The following FGF5 variants were observed in gnomAD, a reference collection of about 807,000 sequenced individuals.
The protein encoded by FGF5 is fibroblast growth factor 5.
A neutral mutation model predicts 21.8 loss-of-function variants in FGF5; 23 were observed. The observed-to-expected ratio is 1.05, with a 90% CI of 0.76 to 1.49. FGF5 has a LOEUF of 1.49. FGF5 is among the 40% of genes most tolerant of loss of function. The pLI, the probability that FGF5 is intolerant of heterozygous loss-of-function variation, is 0.00. For missense variants in FGF5, 352 were observed against 332.9 expected (o/e 1.06, Z -0.45); for synonymous variants, 158 against 124.0 (o/e 1.27, Z -1.82).
chr4:80,272,524 G>A (rs375426646), intron 1 of FGF5, among the ~76,000 whole-genome samples: 1 of 152,062 alleles, frequency 6.6e-6, no homozygotes, highest in South Asian at 2.1e-4. Flanking sequence ...CAAAGCAGTA[G>A]TATTTCTATT....
At chr4:80,267,830 G>T (rs1469799426) in intron 1 of FGF5, among the ~76,000 whole-genome samples, 1 of 152,082 alleles carries the variant, frequency 6.6e-6, no homozygotes, top group Non-Finnish European at 1.5e-5. Context: ...GAAGAAGATT[G>T]TGCTCTAGAA....
At chr4:80,282,083 C>G (rs1720568483) in intron 2 of FGF5, among the ~76,000 whole-genome samples, 1 of 152,086 alleles carries the variant, frequency 6.6e-6, no homozygotes, top group Non-Finnish European at 1.5e-5. Context: ...CTGCCTCAGT[C>G]TCCTGAGTAG....
At position 80,274,891 on chromosome 4, in the gene FGF5, G is replaced by T; in HGVS notation, c.356-18G>T. 2 of 1,102,798 alleles carry T rather than the reference G, an allele frequency of 1.8e-6. No individual in the cohort carries two copies. Among genetic ancestry groups the T allele is most frequent in the Non-Finnish European group, 2.8e-6 (2 of 726,264 alleles). The allele number at this position is 1,102,798 out of a possible 1,614,324, so 68.3% of individuals were successfully genotyped here. On this transcript the variant is annotated intron_variant, in intron 1 of 2. Coordinates refer to ENST00000312465, the MANE Select transcript of FGF5 (RefSeq NM_004464.4). ...AAATAAGAGCCTGTGTTTTATTTTG[G>T]GATTTCTGTCATCCTAGGTGTTTTG...
chr4:80,285,320 A>T (rs1720680782), intron 2 of FGF5, among the ~76,000 whole-genome samples: 1 of 152,142 alleles, frequency 6.6e-6, no homozygotes. Flanking sequence ...GGTCACGCTG[A>T]ACTACTTACA....
chr4:80,266,600 C>A, upstream of FGF5: 5 of 499,072 alleles, frequency 1.0e-5, no homozygotes, highest in South Asian at 1.1e-4. Context: ...GGAAGCTTCG[C>A]AGGCGTGCAC....
intron 2 of FGF5, among the ~76,000 whole-genome samples, chr4:80,285,780 C>T (rs142158770): frequency 1.3e-5 from 2 of 152,188 alleles, no homozygotes; most frequent in African/African-American, 2.4e-5. Context: ...AACTCTAACA[C>T]GTGCAATATT....
Position 80,290,513 on chromosome 4 carries a change from T to A in FGF5, c.*3841T>A, listed in dbSNP as rs1720870862. The A allele has an allele frequency of 6.6e-6, 1 of 152,092 alleles. No homozygotes were observed. The highest frequency in any genetic ancestry group is 2.4e-5 in the African/African-American group (1 of 41,428). The allele number at this position is 152,092 out of a possible 1,614,324, so 9.4% of individuals were successfully genotyped here. ...AACCTGAGTGGAGTCAGGTGAGGCATCTTTACATCTAAGAATTTTTTTTTA... is the reference window on the plus strand; with the variant it reads ...AACCTGAGTGGAGTCAGGTGAGGCAACTTTACATCTAAGAATTTTTTTTTA... On this transcript the variant is annotated 3_prime_UTR_variant, in exon 3 of 3. Coordinates refer to ENST00000312465, the MANE Select transcript of FGF5 (RefSeq NM_004464.4).
At chr4:80,268,773 C>A (rs931793526) in intron 1 of FGF5, among the ~76,000 whole-genome samples, 21 of 152,334 alleles carry the variant, frequency 1.4e-4, no homozygotes, top group African/African-American at 4.6e-4. Context: ...CCTCCGCACA[C>A]GCACCAGCGA....
rs555883630 is a variant in FGF5 at position 80,274,532 on chromosome 4, G to A, written c.356-377G>A. Among the ~76,000 whole-genome samples the A allele has an allele frequency of 3.9e-5, 6 of 152,126 alleles. No individual in the cohort carries two copies. The East Asian group carries it at 1.2e-3, about 29-fold the overall frequency. ...ACAGATTTGTGCTTTAATGTTCAAAGTAGTGTATTATCTTTGATGAAGAAA... is the reference window on the plus strand; with the variant it reads ...ACAGATTTGTGCTTTAATGTTCAAAATAGTGTATTATCTTTGATGAAGAAA... On this transcript the variant is annotated intron_variant, in intron 1 of 2. Coordinates refer to ENST00000312465, the MANE Select transcript of FGF5 (RefSeq NM_004464.4).
chr4:80,272,660 C>T (rs1720305259), intron 1 of FGF5, among the ~76,000 whole-genome samples: 1 of 152,024 alleles, frequency 6.6e-6, no homozygotes, highest in Admixed American at 6.5e-5. Flanking sequence ...AATATATCTG[C>T]ATGTTCAAAA....
intron 2 of FGF5, among the ~76,000 whole-genome samples, chr4:80,278,237 C>T (rs1720468289): frequency 6.6e-6 from 1 of 152,084 alleles, no homozygotes; most frequent in African/African-American, 2.4e-5. Flanking sequence ...TACTGTGGCA[C>T]ATCATTAGAA....
chr4:80,290,869 C>T lies in FGF5; in HGVS notation c.*4197C>T, dbSNP rs538065086. 17 of 152,258 alleles carry T rather than the reference C, an allele frequency of 1.1e-4. No homozygotes were observed. The East Asian group carries it at 3.1e-3, about 28-fold the overall frequency. The allele number at this position is 152,258 out of a possible 1,614,324, so 9.4% of individuals were successfully genotyped here. A position where few individuals can be genotyped will look rare whatever the true frequency, so the allele number is the denominator to read the frequency against. On this transcript the variant is annotated 3_prime_UTR_variant, in exon 3 of 3. Transcript: ENST00000312465. ...CATGTCCCTACAAAGAACATGAACT[C>T]ATCATTTTTTATGGCTGCATAGTAT...
Position 80,287,522 on chromosome 4 carries a change from CA to C in FGF5, c.*852del, listed in dbSNP as rs1720771671. 6.6e-6 allele frequency: 1 copy of C among 152,148 alleles called. No homozygotes were observed. Among genetic ancestry groups the C allele is most frequent in the Admixed American group, 6.6e-5 (1 of 15,264 alleles). The allele number at this position is 152,148 out of a possible 1,614,324, so 9.4% of individuals were successfully genotyped here. A position where few individuals can be genotyped will look rare whatever the true frequency, so the allele number is the denominator to read the frequency against. Reference sequence around the variant, plus strand: ...TAGAGGTAAAAGTACACTAAGTTTGCAACATTTATTGAGATCTAAGTCTGTC... The same window carrying C: ...TAGAGGTAAAAGTACACTAAGTTTGCACATTTATTGAGATCTAAGTCTGTC... On this transcript the variant is annotated 3_prime_UTR_variant, in exon 3 of 3. Coordinates refer to ENST00000312465, the MANE Select transcript of FGF5 (RefSeq NM_004464.4).
intron 2 of FGF5, among the ~76,000 whole-genome samples, chr4:80,279,840 G>A (rs1578295759): frequency 6.6e-6 from 1 of 152,198 alleles, no homozygotes; most frequent in Non-Finnish European, 1.5e-5. Flanking sequence ...AGGGTTTTAG[G>A]GGATCATGTT....
Position 80,287,056 on chromosome 4 carries a change from C to T in FGF5, c.*384C>T, listed in dbSNP as rs895508517. ...TTGGTTTCCAAAGAATATTTTGATG[C>T]AGATAAAATATTTTGTTAACTTTTG... On this transcript the variant is annotated 3_prime_UTR_variant, in exon 3 of 3. Transcript: ENST00000312465. 1.9e-5 allele frequency: 3 copies of T among 162,038 alleles called. No individual in the cohort carries two copies. Among genetic ancestry groups the T allele is most frequent in the African/African-American group, 7.2e-5 (3 of 41,768 alleles). The allele number at this position is 162,038 out of a possible 1,614,324, so 10.0% of individuals were successfully genotyped here. A position where few individuals can be genotyped will look rare whatever the true frequency, so the allele number is the denominator to read the frequency against.
chr4:80,268,669 C>G (rs1018733022), intron 1 of FGF5: 1 of 294,814 alleles, frequency 3.4e-6, no homozygotes, highest in Non-Finnish European at 5.1e-6. Flanking sequence ...TATGCCCGCC[C>G]CTCTGCGCCT....
upstream of FGF5, chr4:80,266,594 G>C: frequency 4.1e-6 from 2 of 485,812 alleles, no homozygotes; most frequent in East Asian, 6.5e-5. Flanking sequence ...GTGAGGGGAA[G>C]CTTCGCAGGC....
intron 1 of FGF5, among the ~76,000 whole-genome samples, chr4:80,274,054 C>A (rs143471009): frequency 2.6e-4 from 40 of 152,210 alleles, no homozygotes; most frequent in African/African-American, 8.7e-4. Flanking sequence ...GTTAAATAAG[C>A]AGGCTTTCTA....
rs1720850859 is a variant in FGF5 at position 80,290,056 on chromosome 4, C to T, written c.*3384C>T. 1 of 151,872 alleles carries T rather than the reference C, an allele frequency of 6.6e-6. No individual in the cohort carries two copies. Among genetic ancestry groups the T allele is most frequent in the African/African-American group, 2.4e-5 (1 of 41,360 alleles). The allele number at this position is 151,872 out of a possible 1,614,324, so 9.4% of individuals were successfully genotyped here. On this transcript the variant is annotated 3_prime_UTR_variant, in exon 3 of 3. Coordinates refer to ENST00000312465, the MANE Select transcript of FGF5 (RefSeq NM_004464.4). ...GGGAGGGAATAAATCATGACTTATC[C>T]CATTTTCAATAACAAAACGAAACTA...
Sources: allele counts gnomAD v4.1 joint callset (sites outside exome capture counted in the v4.1 genomes callset), GRCh38; gene constraint gnomAD v4.1.1; transcripts MANE v1.5; gene names NCBI Gene and HGNC (gene_info 2026-07-23, HGNC 2026-07-21).